PCDHGB5: variants seen among roughly 807,000 people sequenced by gnomAD.
The protein encoded by PCDHGB5 is protocadherin gamma-B5.
PCDHGB5 carries 48 observed loss-of-function variants against 62.9 expected under a neutral mutation model. That is an observed-to-expected ratio of 0.76 (90% CI 0.61 to 0.97). The LOEUF (loss-of-function observed/expected upper bound fraction) is 0.97, where lower values mean the gene tolerates loss of function less well. PCDHGB5 is among the 50% of genes least tolerant of loss of function. The pLI is 0.00. For missense variants in PCDHGB5, 1,118 were observed against 1,198.6 expected (o/e 0.93, Z 0.99); for synonymous variants, 474 against 511.2 (o/e 0.93, Z 0.98).
At position 141,482,089 on chromosome 5, in the gene PCDHGB5, CAAA is replaced by C. The variant is rs36035257; in HGVS notation, c.2398-12704_2398-12702del. 2.7e-4 allele frequency among the ~76,000 whole-genome samples: 36 copies of C among 134,496 alleles called. No individual in the cohort carries two copies. The East Asian group carries it at 3.5e-3, about 13-fold the overall frequency. The allele number at this position is 134,496 out of a possible 152,430, so 88.2% of individuals were successfully genotyped here. On this transcript the variant is annotated intron_variant, in intron 1 of 3. Coordinates refer to ENST00000617380, the MANE Select transcript of PCDHGB5 (RefSeq NM_018925.3). ...AACAAGAACAAAACTCACTCCATCTCAAAAAAAAAAAAAAAATATCTAGAGATG... is the reference window on the plus strand; with the variant it reads ...AACAAGAACAAAACTCACTCCATCTCAAAAAAAAAAAAATATCTAGAGATG...
intron 1 of PCDHGB5, among the ~76,000 whole-genome samples, chr5:141,401,330 A>G (rs1377404173): frequency 6.6e-6 from 1 of 152,218 alleles, no homozygotes. Context: ...CAACAAGAGC[A>G]AAACTCCATC....
Position 141,398,936 on chromosome 5 carries a change from AC to A in PCDHGB5, c.810del (p.Asp270GlufsTer21). ...TTGCAAGTGTCAGCCACTGACCAAG[AC>A]GAGGGCATCAACTCAGAAATTACTT... ...TVLQVSATDQ[D>X]EGINSEITYS... On this transcript the variant is annotated frameshift_variant, in exon 1 of 4. Transcript: ENST00000617380. LOFTEE classifies it high-confidence loss of function. The A allele has an allele frequency of 6.2e-7, 1 of 1,613,962 alleles. No individual in the cohort carries two copies. The highest frequency in any genetic ancestry group is 2.2e-5 in the East Asian group (1 of 44,874).
At chr5:141,502,169 G>A (rs1366413076) in intron 2 of PCDHGB5, among the ~76,000 whole-genome samples, 1 of 152,110 alleles carries the variant, frequency 6.6e-6, no homozygotes, top group African/African-American at 2.4e-5. Flanking sequence ...ATTCAGTTGA[G>A]GAATTTAACA....
chr5:141,510,428 G>A (rs1254357998), intron 3 of PCDHGB5, among the ~76,000 whole-genome samples: 2 of 152,092 alleles, frequency 1.3e-5, no homozygotes, highest in African/African-American at 4.8e-5. Flanking sequence ...TGGTTTCATG[G>A]CTGCTGCCCT....
In PCDHGB5 at chr5:141,476,691, A is replaced by G; in HGVS notation, c.2398-18116A>G. 6.2e-7 allele frequency: 1 copy of G among 1,614,224 alleles called. No individual in the cohort carries two copies. Among genetic ancestry groups the G allele is most frequent in the Non-Finnish European group, 8.5e-7 (1 of 1,180,050 alleles). The stretch of plus-strand genomic sequence containing the variant: ...GTGCAGACGCGGGAGGACAGCACCA[A>G]GTACGCGGAGCTGGTGTTGGAGCGC... On this transcript the variant is annotated intron_variant, in intron 1 of 3. Transcript: ENST00000617380. This position sits in a 1 kb window ranked among gnomAD's most constrained non-coding sequence, Gnocchi z 7.6.
chr5:141,453,524 C>T (rs1351750021), intron 1 of PCDHGB5, among the ~76,000 whole-genome samples: 1 of 152,060 alleles, frequency 6.6e-6, no homozygotes, highest in Non-Finnish European at 1.5e-5. Flanking sequence ...TCCCCTATAC[C>T]TTCTGCCTCA....
chr5:141,418,523 C>T (rs2096266495), intron 1 of PCDHGB5: 1 of 1,613,958 alleles, frequency 6.2e-7, no homozygotes, highest in Non-Finnish European at 8.5e-7. Context: ...GGACCCTCCC[C>T]GAAGCGGTAC....
chr5:141,419,175 C>A lies in PCDHGB5; in HGVS notation c.2397+18651C>A, dbSNP rs185228661. On this transcript the variant is annotated intron_variant, in intron 1 of 3. Transcript: ENST00000617380. Reference sequence around the variant, plus strand: ...CCGTTATCCTCCAGCAAAACCATAACCCTGCACATTACTGACGTCAATGAC... The same window carrying A: ...CCGTTATCCTCCAGCAAAACCATAAACCTGCACATTACTGACGTCAATGAC... The A allele has an allele frequency of 5.2e-4, 837 of 1,613,966 alleles. 3 individuals carry two copies. Among genetic ancestry groups the A allele is most frequent in the Non-Finnish European group, 9.3e-5 (110 of 1,179,894 alleles).
chr5:141,478,290 A>G, intron 1 of PCDHGB5: 1 of 1,614,056 alleles, frequency 6.2e-7, no homozygotes, highest in South Asian at 1.1e-5. Flanking sequence ...CAGTCTAGAG[A>G]CCTATACCGA....
intron 1 of PCDHGB5, chr5:141,414,836 T>C: frequency 6.2e-7 from 1 of 1,614,222 alleles, no homozygotes; most frequent in Non-Finnish European, 8.5e-7. Context: ...TCGTTGAGCC[T>C]GTTTGTGCTG....
intron 1 of PCDHGB5, among the ~76,000 whole-genome samples, chr5:141,420,742 A>T (rs967908996): frequency 6.6e-6 from 1 of 152,254 alleles, no homozygotes; most frequent in African/African-American, 2.4e-5. Flanking sequence ...AATCAATTGG[A>T]ACCAACTACA....
At chr5:141,425,363 A>C (rs2096870488) in intron 1 of PCDHGB5, among the ~76,000 whole-genome samples, 1 of 152,212 alleles carries the variant, frequency 6.6e-6, no homozygotes, top group Non-Finnish European at 1.5e-5. Context: ...TGATATTAAG[A>C]GGGTTATGTT....
rs1036344847 is a variant in PCDHGB5 at position 141,424,050 on chromosome 5, C to G, written c.2397+23526C>G. 9.9e-6 allele frequency: 10 copies of G among 1,014,084 alleles called. No homozygotes were observed. The African/African-American group carries it at 1.6e-4, about 16-fold the overall frequency. The allele number at this position is 1,014,084 out of a possible 1,614,324, so 62.8% of individuals were successfully genotyped here. A position where few individuals can be genotyped will look rare whatever the true frequency, so the allele number is the denominator to read the frequency against. ...ACTTTTTATTTCCATTTCAATTTTG[C>G]TGTGCCTTCACTGATTTGTAGTTAT... On this transcript the variant is annotated intron_variant, in intron 1 of 3. Coordinates refer to ENST00000617380, the MANE Select transcript of PCDHGB5 (RefSeq NM_018925.3).
chr5:141,415,249 G>A (rs756443082), intron 1 of PCDHGB5: 1 of 1,614,204 alleles, frequency 6.2e-7, no homozygotes, highest in South Asian at 1.1e-5. Context: ...TGAAACCTCA[G>A]ACCTCACTCT....
At position 141,490,551 on chromosome 5, in the gene PCDHGB5, T is replaced by C; in HGVS notation, c.2398-4256T>C. On this transcript the variant is annotated intron_variant, in intron 1 of 3. Coordinates refer to ENST00000617380, the MANE Select transcript of PCDHGB5 (RefSeq NM_018925.3). The surrounding 1 kb of genome is among the most constrained non-coding windows in gnomAD (Gnocchi z 5.4). ...CTGGTTCACCTTCCCTACACAAACA[T>C]CTCACCATCAGGCTCAACATTTCAG... 1 of 1,614,088 alleles carries C rather than the reference T, an allele frequency of 6.2e-7. No individual in the cohort carries two copies. The highest frequency in any genetic ancestry group is 1.1e-5 in the South Asian group (1 of 91,086).
chr5:141,421,397 C>T, intron 1 of PCDHGB5: 1 of 1,614,030 alleles, frequency 6.2e-7, no homozygotes, highest in Non-Finnish European at 8.5e-7. Context: ...GGGCTGGAGC[C>T]CCGGGAGCTG....
intron 1 of PCDHGB5, among the ~76,000 whole-genome samples, chr5:141,467,695 T>C (rs1189395935): frequency 6.6e-6 from 1 of 152,142 alleles, no homozygotes; most frequent in Non-Finnish European, 1.5e-5. Flanking sequence ...AGGGTCTGGC[T>C]CTGTTGCCCA....
rs200064261 is a variant in PCDHGB5, at chr5:141,487,515, G to A, written c.2398-7292G>A. 3.7e-5 allele frequency: 59 copies of A among 1,614,018 alleles called. No homozygotes were observed. The highest frequency in any genetic ancestry group is 8.8e-5 in the South Asian group (8 of 91,086). On this transcript the variant is annotated intron_variant, in intron 1 of 3. Coordinates refer to ENST00000617380, the MANE Select transcript of PCDHGB5 (RefSeq NM_018925.3). The surrounding 1 kb of genome is among the most constrained non-coding windows in gnomAD (Gnocchi z 5.0). Reference sequence around the variant, plus strand: ...ACACCCTTGGCTTCTGCACCCACTCGGAGTGATAGCTTCATGATGGTGAAG... The same window carrying A: ...ACACCCTTGGCTTCTGCACCCACTCAGAGTGATAGCTTCATGATGGTGAAG...
intron 1 of PCDHGB5, chr5:141,484,865 G>A (rs1431313212): frequency 3.6e-6 from 1 of 278,548 alleles, no homozygotes; most frequent in Non-Finnish European, 6.7e-6. Flanking sequence ...GGGTGGGGGA[G>A]CGTGGAGGAT....
Sources: allele counts gnomAD v4.1 joint callset (sites outside exome capture counted in the v4.1 genomes callset), GRCh38; gene constraint gnomAD v4.1.1; non-coding constraint Gnocchi (gnomAD v3.1); transcripts MANE v1.5; gene names NCBI Gene and HGNC (gene_info 2026-07-23, HGNC 2026-07-21).